Variants in GTF2IRD1 observed in about 807,000 individuals in gnomAD.
GTF2IRD1 encodes the protein general transcription factor II-I repeat domain-containing protein 1.
GTF2IRD1 carries 26 observed loss-of-function variants against 113.2 expected under a neutral mutation model. The observed-to-expected ratio is 0.23, with a 90% CI of 0.17 to 0.32. The LOEUF is 0.32. GTF2IRD1 is among the 10% of genes least tolerant of loss of function. The probability of loss-of-function intolerance (pLI) is 1.00; values close to 1 mark genes in which losing one functional copy is unlikely to be tolerated. For synonymous variants in GTF2IRD1, 484 were observed against 529.1 expected (o/e 0.91, Z 1.17); for missense variants, 864 against 1,280.8 (o/e 0.67, Z 4.97).
intron 1 of GTF2IRD1, among the ~76,000 whole-genome samples, chr7:74,480,747 C>T (rs1443830829): frequency 3.9e-5 from 6 of 152,318 alleles, no homozygotes; most frequent in African/African-American, 1.4e-4. Context: ...CTGCCGGCGG[C>T]GGCGGAGTCC....
In GTF2IRD1 at chr7:74,512,863, G is replaced by C; in HGVS notation, c.157G>C (p.Ala53Pro). ...SALSKLNAEV[A>P]CVAVHDESAF... ...GCTGTCCAAACTGAACGCCGAGGTGGCCTGTGTCGCCGTGCACGATGAGAG... is the reference window on the plus strand; with the variant it reads ...GCTGTCCAAACTGAACGCCGAGGTGCCCTGTGTCGCCGTGCACGATGAGAG... Residue 53 changes from alanine to proline, a missense_variant, in exon 3 of 27, where the codon GCC becomes CCC. Coordinates refer to ENST00000424337, the MANE Select transcript of GTF2IRD1 (RefSeq NM_005685.4). This position sits in a 1 kb window ranked among gnomAD's most constrained non-coding sequence, Gnocchi z 4.4. 1 of 1,614,112 alleles carries C rather than the reference G, an allele frequency of 6.2e-7. No homozygotes were observed. Among genetic ancestry groups the C allele is most frequent in the African/African-American group, 1.3e-5 (1 of 75,052 alleles).
intron 14 of GTF2IRD1, among the ~76,000 whole-genome samples, chr7:74,540,598 G>C (rs1360625230): frequency 6.6e-6 from 1 of 151,836 alleles, no homozygotes; most frequent in African/African-American, 2.4e-5. Context: ...CCAAGCAGAA[G>C]TCCCCACCTC....
At chr7:74,590,389 T>C (rs1440188802) in intron 23 of GTF2IRD1, among the ~76,000 whole-genome samples, 1 of 147,692 alleles carries the variant, frequency 6.8e-6, no homozygotes, top group Non-Finnish European at 1.5e-5. Context: ...CCTGTAGGTC[T>C]TGATTTTTTT....
At position 74,535,130 on chromosome 7, in the gene GTF2IRD1, T is replaced by G; in HGVS notation, c.1292T>G (p.Ile431Ser). The change falls in exon 10 of 27, where the codon ATT becomes AGT. Residue 431 changes from isoleucine (I) to serine (S), a missense_variant. Around this residue, in one of 7 missense-constraint regions of GTF2IRD1, gnomAD observed 218 missense variants for 352.6 expected, o/e 0.62. Coordinates refer to ENST00000424337, the MANE Select transcript of GTF2IRD1 (RefSeq NM_005685.4). ...FIIKRMFDER[I>S]FTGNKFTKDT... ...CTCCCCAGGATGTTTGATGAGCGAA[T>G]TTTCACAGGTATGTGGGGACCATCT... 3 of 1,613,036 alleles carry G rather than the reference T, an allele frequency of 1.9e-6. No homozygotes were observed. Among genetic ancestry groups the G allele is most frequent in the Non-Finnish European group, 2.5e-6 (3 of 1,179,056 alleles).
At chr7:74,539,768 A>C (rs1309690463) in intron 13 of GTF2IRD1, 111 bp from the exon 14 acceptor site, 21 of 682,900 alleles carry the variant, frequency 3.1e-5, no homozygotes, top group African/African-American at 5.5e-5. Flanking sequence ...AAAGAGACAG[A>C]AAGAAAAGGA....
At chr7:74,472,620 G>T (rs1012152559) in intron 1 of GTF2IRD1, among the ~76,000 whole-genome samples, 11 of 152,042 alleles carry the variant, frequency 7.2e-5, no homozygotes, top group Non-Finnish European at 1.3e-4. Flanking sequence ...GGCATGGCGG[G>T]GGGTGCCTGT....
intron 22 of GTF2IRD1, among the ~76,000 whole-genome samples, chr7:74,569,116 GCTCA>G (rs1364784997): frequency 2.6e-5 from 4 of 152,130 alleles, no homozygotes; most frequent in Middle Eastern, 3.2e-3. Flanking sequence ...CCCAGAAGTA[GCTCA>G]CTCTCCTCTG....
intron 1 of GTF2IRD1, among the ~76,000 whole-genome samples, chr7:74,466,356 G>A (rs567745028): frequency 2.2e-4 from 33 of 152,244 alleles, no homozygotes; most frequent in African/African-American, 7.7e-4. Flanking sequence ...AGGACGTGAC[G>A]GTGGGGCTGC....
At chr7:74,557,346 G>A (rs1212745162) in intron 19 of GTF2IRD1, among the ~76,000 whole-genome samples, 10 of 152,304 alleles carry the variant, frequency 6.6e-5, no homozygotes, top group East Asian at 1.9e-4. Context: ...ACAGGACTCC[G>A]TACTCTATGG....
At chr7:74,548,760 T>G (rs1204134055) in intron 17 of GTF2IRD1, among the ~76,000 whole-genome samples, 1 of 151,758 alleles carries the variant, frequency 6.6e-6, no homozygotes, top group Non-Finnish European at 1.5e-5. Context: ...TTAAATTAGC[T>G]GGGCATGATG....
At chr7:74,510,815 G>A (rs1256041167) in intron 2 of GTF2IRD1, among the ~76,000 whole-genome samples, 1 of 151,980 alleles carries the variant, frequency 6.6e-6, no homozygotes, top group Admixed American at 6.6e-5. Context: ...CTGAGAGGCT[G>A]AGTGGGGCAG....
chr7:74,556,869 C>T (rs1408149167), intron 19 of GTF2IRD1, among the ~76,000 whole-genome samples: 34 of 151,844 alleles, frequency 2.2e-4, no homozygotes, highest in Non-Finnish European at 4.4e-4. Flanking sequence ...GGTGATCCTC[C>T]TGCCTCAGCT....
At chr7:74,526,279 A>T (rs1554347206) in intron 8 of GTF2IRD1, among the ~76,000 whole-genome samples, 1 of 152,118 alleles carries the variant, frequency 6.6e-6, no homozygotes, top group Non-Finnish European at 1.5e-5. Context: ...AGTGGTCAAG[A>T]TCTTGTTCCC....
chr7:74,543,366 A>T (rs1276464010), intron 14 of GTF2IRD1, among the ~76,000 whole-genome samples: 2 of 151,054 alleles, frequency 1.3e-5, no homozygotes, highest in African/African-American at 4.9e-5. Flanking sequence ...CCAGCTACTC[A>T]GGAGGCTGAG....
rs1798991653 is a variant in GTF2IRD1, at chr7:74,547,135, G to T, written c.1765G>T (p.Val589Leu). The change falls in exon 17 of 27, where the codon GTG becomes TTG. Residue 589 changes from valine (V) to leucine (L), a missense_variant. This residue lies in a region of GTF2IRD1 where 218 missense variants were observed against 352.6 expected (regional missense o/e 0.62). Coordinates refer to ENST00000424337, the MANE Select transcript of GTF2IRD1 (RefSeq NM_005685.4). ...CATTGGCATCTCGGAGCCCGTCAAG[G>T]TGCCGTACTCCAAGTTTCTGATGCA... Reference protein sequence around the residue: ...KAIGISEPVKVPYSKFLMHPE... With the variant: ...KAIGISEPVKLPYSKFLMHPE... 2 of 1,613,202 alleles carry T rather than the reference G, an allele frequency of 1.2e-6. No homozygotes were observed. The highest frequency in any genetic ancestry group is 1.7e-6 in the Non-Finnish European group (2 of 1,179,816).
chr7:74,525,379 C>T (rs1162792810), intron 8 of GTF2IRD1, among the ~76,000 whole-genome samples: 2 of 152,152 alleles, frequency 1.3e-5, no homozygotes, highest in African/African-American at 2.4e-5. Flanking sequence ...GCCAGGACTG[C>T]ACCCAACCCC....
chr7:74,454,529 G>A (rs1332995228), intron 1 of GTF2IRD1, among the ~76,000 whole-genome samples: 1 of 152,040 alleles, frequency 6.6e-6, no homozygotes, highest in Non-Finnish European at 1.5e-5. Flanking sequence ...CGCGCTGCCC[G>A]CGGTGGCGGG....
chr7:74,510,620 G>A (rs943361826), intron 2 of GTF2IRD1, among the ~76,000 whole-genome samples: 14 of 151,844 alleles, frequency 9.2e-5, no homozygotes, highest in Admixed American at 3.9e-4. Context: ...ATTTAAATTC[G>A]AATTCGTTAA....
At chr7:74,515,324 G>A in intron 3 of GTF2IRD1, 117 bp from the exon 4 acceptor site, 2 of 1,526,134 alleles carry the variant, frequency 1.3e-6, no homozygotes, top group Non-Finnish European at 1.8e-6. Flanking sequence ...TCATTCACTT[G>A]TGTATCACAT....
Sources: allele counts gnomAD v4.1 joint callset (sites outside exome capture counted in the v4.1 genomes callset), GRCh38; gene constraint gnomAD v4.1.1; regional missense constraint gnomAD v4.1.1; non-coding constraint Gnocchi (gnomAD v3.1); transcripts MANE v1.5; gene names NCBI Gene and HGNC (gene_info 2026-07-23, HGNC 2026-07-21).